Variants in HERC1 observed in about 807,000 individuals in gnomAD.
HERC1 encodes the protein HECT and RLD domain containing E3 ubiquitin protein ligase family member 1.
HERC1 carries 160 observed loss-of-function variants against 554.3 expected under a neutral mutation model. The observed-to-expected ratio is 0.29, with a 90% CI of 0.25 to 0.33. The LOEUF is 0.33. HERC1 is among the 10% of genes least tolerant of loss of function. The pLI, the probability that HERC1 is intolerant of heterozygous loss-of-function variation, is 1.00. For missense variants in HERC1, 4,919 were observed against 5,918.5 expected (o/e 0.83, Z 5.54); for synonymous variants, 2,175 against 2,131.7 (o/e 1.02, Z -0.56).
At position 63,758,066 on chromosome 15, in the gene HERC1, C is replaced by A; in HGVS notation, c.1221+109G>T. On this transcript the variant is annotated intron_variant, in intron 4 of 77. Transcript: ENST00000443617. The surrounding 1 kb of genome is among the most constrained non-coding windows in gnomAD (Gnocchi z 4.0). The stretch of plus-strand genomic sequence containing the variant: ...AATGCAGTATATAGACCAGAAATAA[C>A]CATCGATAATTTTCACTCATTTAAA... The A allele has an allele frequency of 1.2e-6, 1 of 804,438 alleles. No homozygotes were observed. The allele number at this position is 804,438 out of a possible 1,614,324, so 49.8% of individuals were successfully genotyped here. A position where few individuals can be genotyped will look rare whatever the true frequency, so the allele number is the denominator to read the frequency against.
chr15:63,668,716 T>G (rs2070760252), intron 40 of HERC1, among the ~76,000 whole-genome samples: 1 of 152,094 alleles, frequency 6.6e-6, no homozygotes, highest in Non-Finnish European at 1.5e-5. Context: ...GGTCTATTCA[T>G]TAAAAGAACG....
At chr15:63,744,164 G>GTGTCTCTCTCTC in intron 12 of HERC1, among the ~76,000 whole-genome samples, 1 of 46,220 alleles carries the variant, frequency 2.2e-5, no homozygotes, top group African/African-American at 6.7e-5. Context: ...GTGTGTGTGT[G>GTGTCTCTCTCTC]TCTCTCTCTC....
intron 27 of HERC1, among the ~76,000 whole-genome samples, chr15:63,695,140 AG>A (rs1380943084): frequency 6.6e-6 from 1 of 151,968 alleles, no homozygotes; most frequent in Non-Finnish European, 1.5e-5. Flanking sequence ...GGCTCAAGTG[AG>A]CCTCCCATCT....
At chr15:63,709,262 A>T (rs1596032177) in intron 24 of HERC1, among the ~76,000 whole-genome samples, 1 of 152,070 alleles carries the variant, frequency 6.6e-6, no homozygotes, top group East Asian at 1.9e-4. Flanking sequence ...CTCCCACCTC[A>T]GCCTCCCAAA....
chr15:63,643,578 T>A, intron 57 of HERC1, 28 bp from the exon 58 acceptor site: 1 of 1,466,544 alleles, frequency 6.8e-7, no homozygotes, highest in Non-Finnish European at 9.2e-7. Flanking sequence ...TAACATGCAT[T>A]AAAATAAAGA....
chr15:63,670,165 T>C (rs969794005), intron 39 of HERC1, among the ~76,000 whole-genome samples: 2 of 151,910 alleles, frequency 1.3e-5, no homozygotes, highest in East Asian at 1.9e-4. Flanking sequence ...AGGCAAGTTA[T>C]GGAAAGAAAA....
chr15:63,745,500 A>G (rs1314664723), intron 12 of HERC1, among the ~76,000 whole-genome samples: 1 of 152,204 alleles, frequency 6.6e-6, no homozygotes, highest in Non-Finnish European at 1.5e-5. Context: ...CACAGGTGTC[A>G]GCTGAGTTTG....
At chr15:63,791,997 G>T (rs529244605) in intron 1 of HERC1, among the ~76,000 whole-genome samples, 85 of 152,248 alleles carry the variant, frequency 5.6e-4, no homozygotes, top group African/African-American at 1.3e-3. Flanking sequence ...GGGGCAAAGT[G>T]TAATAATTGA....
rs2069576580 is a variant in HERC1 at position 63,649,809 on chromosome 15, T to C, written c.10663A>G (p.Met3555Val). The change falls in exon 54 of 78, where the codon ATG becomes GTG. Residue 3555 changes from methionine (M) to valine (V), a missense_variant. Coordinates refer to ENST00000443617, the MANE Select transcript of HERC1 (RefSeq NM_003922.4). The part of the protein sequence containing the change: ...ESPELLLVGR[M>V]DGSLGLIEVV... Reference sequence around the variant, plus strand: ...TCAATCAGTCCCAGAGATCCATCCATCCGTCCCACCAACAACAATTCTGGA... The same window carrying C: ...TCAATCAGTCCCAGAGATCCATCCACCCGTCCCACCAACAACAATTCTGGA... The C allele has an allele frequency of 4.3e-6, 7 of 1,613,522 alleles. No homozygotes were observed. The highest frequency in any genetic ancestry group is 5.1e-6 in the Non-Finnish European group (6 of 1,179,782).
chr15:63,649,093 G>T (rs746926196), intron 54 of HERC1, among the ~76,000 whole-genome samples: 1 of 152,132 alleles, frequency 6.6e-6, no homozygotes. Flanking sequence ...GGTGGCTCAC[G>T]CCTGTAATCC....
intron 45 of HERC1, 55 bp from the exon 46 acceptor site, chr15:63,661,080 G>C: frequency 8.0e-7 from 1 of 1,256,922 alleles, no homozygotes; most frequent in Non-Finnish European, 1.2e-6. Context: ...AGTACCCCAA[G>C]ATGCAAATTA....
At chr15:63,776,999 C>T (rs56140097) in intron 1 of HERC1, among the ~76,000 whole-genome samples, 123,527 of 151,902 alleles carry the variant, frequency 0.81, 52,034 homozygotes, top group Non-Finnish European at 0.87. Context: ...TTTTTATATA[C>T]ACACAAAATT....
At position 63,649,904 on chromosome 15, in the gene HERC1, A is replaced by G. The variant is rs1440223153; in HGVS notation, c.10568T>C (p.Ile3523Thr). The G allele has an allele frequency of 1.9e-6, 3 of 1,607,928 alleles. No individual in the cohort carries two copies. Among genetic ancestry groups the G allele is most frequent in the Admixed American group, 1.7e-5 (1 of 59,172 alleles). The change falls in exon 54 of 78, where the codon ATT becomes ACT. Residue 3523 changes from isoleucine to threonine, a missense_variant. By Grantham distance (89) the Ile-to-Thr change is moderately conservative (BLOSUM62 -1). Around this residue, in one of 11 missense-constraint regions of HERC1, gnomAD observed 1,963 missense variants for 2,228.6 expected, o/e 0.88. Coordinates refer to ENST00000443617, the MANE Select transcript of HERC1 (RefSeq NM_003922.4). Reference sequence around the variant, plus strand: ...CAGGGCAGATACCCAATGAGGCTGAATATCTACTAATCCTTTTCCTCCTAA... The same window carrying G: ...CAGGGCAGATACCCAATGAGGCTGAGTATCTACTAATCCTTTTCCTCCTAA... Reference protein sequence around the residue: ...QVNGGKGLVDIQPHWVSALAW... With the variant: ...QVNGGKGLVDTQPHWVSALAW...
rs1220043639 is a variant in HERC1 at position 63,829,561 on chromosome 15, G to GTGTGTA, written c.-27+4265_-27+4266insTACACA. Among the ~76,000 whole-genome samples the GTGTGTA allele has an allele frequency of 1.2e-3, 97 of 81,720 alleles. 1 individual carries two copies. In the South Asian group the frequency reaches 0.018, roughly 15 times the overall value. The allele number at this position is 81,720 out of a possible 152,430, so 53.6% of individuals were successfully genotyped here. On this transcript the variant is annotated intron_variant, in intron 1 of 77. Coordinates refer to ENST00000443617, the MANE Select transcript of HERC1 (RefSeq NM_003922.4). Reference sequence around the variant, plus strand: ...TATATGTATGTGTGTGTGTGTGTGTGTATATATATATATATATATATATAT... The same window carrying GTGTGTA: ...TATATGTATGTGTGTGTGTGTGTGTGTGTGTATATATATATATATATATATATATAT...
In HERC1 at chr15:63,718,271, C is replaced by T. The variant is rs760318914; in HGVS notation, c.3978+303G>A. ...GCACCCCAAATTAAACAGGATAATT[C>T]AAATGTGGCCCAATCAGCACAAAGA... On this transcript the variant is annotated intron_variant, in intron 21 of 77. Coordinates refer to ENST00000443617, the MANE Select transcript of HERC1 (RefSeq NM_003922.4). The surrounding 1 kb of genome is among the most constrained non-coding windows in gnomAD (Gnocchi z 4.2). Among the ~76,000 whole-genome samples the T allele has an allele frequency of 1.3e-5, 2 of 152,144 alleles. No homozygotes were observed. Among genetic ancestry groups the T allele is most frequent in the Non-Finnish European group, 2.9e-5 (2 of 68,028 alleles).
At chr15:63,822,082 T>C (rs1429653907) in intron 1 of HERC1, among the ~76,000 whole-genome samples, 1 of 152,100 alleles carries the variant, frequency 6.6e-6, no homozygotes, top group Non-Finnish European at 1.5e-5. Flanking sequence ...AAGCCTGAAT[T>C]ATGTGAGCGA....
chr15:63,647,653 G>A (rs902018569), intron 55 of HERC1, among the ~76,000 whole-genome samples: 21 of 152,082 alleles, frequency 1.4e-4, no homozygotes, highest in African/African-American at 4.1e-4. Context: ...TATAAACAAT[G>A]GAATACTATG....
intron 69 of HERC1, among the ~76,000 whole-genome samples, chr15:63,629,859 G>A (rs774875300): frequency 1.4e-4 from 22 of 152,132 alleles, no homozygotes; most frequent in Non-Finnish European, 2.6e-4. Context: ...AAAAGTCACC[G>A]TCATAGCATC....
Position 63,645,506 on chromosome 15 carries a change from G to C in HERC1, c.11055C>G (p.Ser3685=). ...ACGTAGCCATCAGTAACTGCAACTT[G>C]GATCCTTTCCCTGGAAGGCGGCACC... ...IAWCRLPGKG[S]KLQLLMATGC... Residue 3685 remains serine, a synonymous_variant, in exon 56 of 78, where the codon TCC becomes TCG. Transcript: ENST00000443617. 2 of 1,611,432 alleles carry C rather than the reference G, an allele frequency of 1.2e-6. No individual in the cohort carries two copies. The highest frequency in any genetic ancestry group is 1.7e-6 in the Non-Finnish European group (2 of 1,178,844).
Sources: allele counts gnomAD v4.1 joint callset (sites outside exome capture counted in the v4.1 genomes callset), GRCh38; gene constraint gnomAD v4.1.1; regional missense constraint gnomAD v4.1.1; non-coding constraint Gnocchi (gnomAD v3.1); transcripts MANE v1.5; gene names NCBI Gene and HGNC (gene_info 2026-07-23, HGNC 2026-07-21).